Variants in PRPS2 observed in about 807,000 individuals in gnomAD.
The protein encoded by PRPS2 is phosphoribosyl pyrophosphate synthetase 2.
For missense variants in PRPS2, 104 were observed against 271.5 expected (o/e 0.38, Z 4.34); for synonymous variants, 111 against 115.3 (o/e 0.96, Z 0.24).
At position 12,791,466 on chromosome X, in the gene PRPS2, GC is replaced by G. The variant is rs1391045989; in HGVS notation, c.-30del. On this transcript the variant is annotated 5_prime_UTR_variant, in exon 1 of 7. Transcript: ENST00000380668. ...TGTTGCCTCCGCCACCTCCTCCGCC[GC>G]CGCGCGCCCCTCGGAGTTCCGCGCC... 1.5e-5 allele frequency: 18 copies of G among 1,189,621 alleles called. No homozygotes were observed. The highest frequency in any genetic ancestry group is 2.0e-5 in the Non-Finnish European group (18 of 884,242).
chrX:12,793,990 A>T (rs771513208), intron 1 of PRPS2, among the ~76,000 whole-genome samples: 2 of 112,633 alleles, frequency 1.8e-5, no homozygotes, highest in East Asian at 5.5e-4. Flanking sequence ...ACATTTTACT[A>T]TGGTCAGTTA....
At chrX:12,822,606 G>A (rs2042681468) in intron 6 of PRPS2, 98 bp from the exon 7 acceptor site, 1 of 801,201 alleles carries the variant, frequency 1.2e-6, no homozygotes, top group Admixed American at 2.3e-5. Context: ...GTATGCTGCA[G>A]AAATTGTTTC....
chrX:12,816,712 T>G (rs1208569199), intron 4 of PRPS2, among the ~76,000 whole-genome samples: 1 of 112,092 alleles, frequency 8.9e-6, no homozygotes, highest in Admixed American at 9.5e-5. Context: ...ATATCTTTGC[T>G]TACCTTTCTC....
intron 4 of PRPS2, among the ~76,000 whole-genome samples, chrX:12,812,425 G>A (rs1213328774): frequency 4.5e-5 from 5 of 111,686 alleles, no homozygotes; most frequent in African/African-American, 9.8e-5. Context: ...TCAGGAGTTC[G>A]AGACCAACCT....
At chrX:12,809,194 C>A in intron 2 of PRPS2, 40 bp from the exon 3 acceptor site, 2 of 1,106,056 alleles carry the variant, frequency 1.8e-6, no homozygotes, top group Non-Finnish European at 2.5e-6. Context: ...CTAACAGTAT[C>A]CATCTTTTCC....
Position 12,823,117 on chromosome X carries a change from T to C in PRPS2, c.*321T>C. The stretch of plus-strand genomic sequence containing the variant: ...ACTTTGAGGCGACAACTTTCAAGTA[T>C]ATAATTTCATTGTGGAAGTCATAGT... On this transcript the variant is annotated 3_prime_UTR_variant, in exon 7 of 7. Transcript: ENST00000380668. 1 of 200,264 alleles carries C rather than the reference T, an allele frequency of 5.0e-6. No individual in the cohort carries two copies. Among genetic ancestry groups the C allele is most frequent in the Non-Finnish European group, 9.0e-6 (1 of 111,137 alleles). 16.5% of individuals were successfully genotyped at this position (200,264 alleles called of 1,213,427 possible).
At chrX:12,800,534 C>G (rs1011576096) in intron 2 of PRPS2, among the ~76,000 whole-genome samples, 2 of 111,393 alleles carry the variant, frequency 1.8e-5, no homozygotes, top group African/African-American at 6.5e-5. Context: ...CAACTCCCAG[C>G]TGTTGTGTGT....
chrX:12,800,919 G>A (rs1196632779), intron 2 of PRPS2, among the ~76,000 whole-genome samples: 1 of 111,587 alleles, frequency 9.0e-6, no homozygotes, highest in Non-Finnish European at 1.9e-5. Flanking sequence ...TATGGTCTGT[G>A]TTGCAACTAT....
At chrX:12,810,171 G>T (rs1233171266) in intron 4 of PRPS2, 25 bp downstream of exon 4, 2 of 1,205,000 alleles carry the variant, frequency 1.7e-6, no homozygotes, top group Non-Finnish European at 2.2e-6. Flanking sequence ...ACACCTTGCA[G>T]ATTTCTCCAT....
chrX:12,801,221 C>CGTGTGTGTGTGTGT (rs72506508), intron 2 of PRPS2, among the ~76,000 whole-genome samples: 9,558 of 93,235 alleles, frequency 0.1, 496 homozygotes, highest in Middle Eastern at 0.2. Context: ...TGCGTGCGCA[C>CGTGTGTGTGTGTGT]GTGTGTGTGT....
In PRPS2 at chrX:12,823,888, A is replaced by G. The variant is rs999427396; in HGVS notation, c.*1092A>G. The stretch of plus-strand genomic sequence containing the variant: ...AGCAGCTTAATCCCAAAATTTGTAC[A>G]TTTCTTGCTGCTCCTGGCGTGGAAA... On this transcript the variant is annotated 3_prime_UTR_variant, in exon 7 of 7. Transcript: ENST00000380668. 8.9e-6 allele frequency: 1 copy of G among 112,250 alleles called. No individual in the cohort carries two copies. Among genetic ancestry groups the G allele is most frequent in the Admixed American group, 9.5e-5 (1 of 10,507 alleles). The allele number at this position is 112,250 out of a possible 1,213,427, so 9.3% of individuals were successfully genotyped here. A position where few individuals can be genotyped will look rare whatever the true frequency, so the allele number is the denominator to read the frequency against.
intron 2 of PRPS2, among the ~76,000 whole-genome samples, chrX:12,808,659 G>A (rs978204653): frequency 8.9e-6 from 1 of 111,993 alleles, no homozygotes; most frequent in Non-Finnish European, 1.9e-5. Flanking sequence ...TAGTGTTAGC[G>A]TCCAACTGTC....
intron 3 of PRPS2, 21 bp from the exon 4 acceptor site, chrX:12,810,001 G>C (rs899417431): frequency 2.6e-6 from 3 of 1,152,238 alleles, no homozygotes; most frequent in Non-Finnish European, 3.5e-6. Context: ...CCTGCAACAT[G>C]ACACTCACTT....
At chrX:12,796,213 CTTTTTTT>C (rs751352461) in intron 1 of PRPS2, among the ~76,000 whole-genome samples, 8 of 38,681 alleles carry the variant, frequency 2.1e-4, no homozygotes, top group Admixed American at 1.0e-3. Flanking sequence ...ATAATTGGCT[CTTTTTTT>C]TTTTTTTTTT....
chrX:12,819,493 T>G lies in PRPS2; in HGVS notation c.531-14T>G. On this transcript the variant is annotated splice_polypyrimidine_tract_variant and intron_variant, in intron 4 of 6. Transcript: ENST00000380668. ...AGTTGACTGTATGAACATGTTCATT[T>G]GTGCCTTTGCCAGGGTTACATCAAT... The G allele has an allele frequency of 8.3e-7, 1 of 1,203,319 alleles. No individual in the cohort carries two copies. The highest frequency in any genetic ancestry group is 1.1e-6 in the Non-Finnish European group (1 of 889,918).
intron 2 of PRPS2, among the ~76,000 whole-genome samples, chrX:12,800,847 CAGTT>C (rs1324863741): frequency 9.0e-6 from 1 of 111,127 alleles, no homozygotes; most frequent in African/African-American, 3.3e-5. Flanking sequence ...GATGGCCAGT[CAGTT>C]AATTTCTCAC....
intron 2 of PRPS2, among the ~76,000 whole-genome samples, chrX:12,806,237 T>C (rs2042593121): frequency 8.9e-6 from 1 of 112,329 alleles, no homozygotes; most frequent in Non-Finnish European, 1.9e-5. Flanking sequence ...TTTTTTCCTT[T>C]TTTGTAGCAG....
intron 1 of PRPS2, 36 bp downstream of exon 1, chrX:12,791,655 G>A (rs1031578813): frequency 9.2e-6 from 9 of 974,259 alleles, no homozygotes; most frequent in Non-Finnish European, 1.2e-5. Flanking sequence ...TAGGGAGAGC[G>A]CTGGGCACGC....
In PRPS2 at chrX:12,810,060, G is replaced by A; in HGVS notation, c.444G>A (p.Glu148=). ...TTCCTGTGGATAATTTGTATGCGGA[G>A]CCCGCAGTCCTGCAGTGGATTCGGG... is the stretch of plus-strand genomic sequence containing the variant. ...FDIPVDNLYA[E]PAVLQWIREN... Residue 148 remains glutamate, a synonymous_variant, in exon 4 of 7, where the codon GAG becomes GAA. Transcript: ENST00000380668. 8.3e-7 allele frequency: 1 copy of A among 1,210,347 alleles called. No homozygotes were observed. Among genetic ancestry groups the A allele is most frequent in the Non-Finnish European group, 1.1e-6 (1 of 894,707 alleles).
Sources: allele counts gnomAD v4.1 joint callset (sites outside exome capture counted in the v4.1 genomes callset), GRCh38; gene constraint gnomAD v4.1.1; transcripts MANE v1.5; gene names NCBI Gene and HGNC (gene_info 2026-07-23, HGNC 2026-07-21).